The following SPTBN1 variants were observed in gnomAD, a reference collection of about 807,000 sequenced individuals.
SPTBN1 encodes spectrin beta, non-erythrocytic 1.
In SPTBN1, 32 loss-of-function variants were observed where a neutral mutation model predicts 266.4. The observed-to-expected ratio is 0.12, with a 90% confidence interval of 0.09 to 0.16. The LOEUF is 0.16. Among genes scored for constraint, SPTBN1 ranks in the 10% least tolerant of loss-of-function variants. The probability of loss-of-function intolerance (pLI) is 1.00; values close to 1 mark genes in which losing one functional copy is unlikely to be tolerated. For missense variants in SPTBN1, 2,296 were observed against 3,067.1 expected (o/e 0.75, Z 5.94); for synonymous variants, 1,336 against 1,162.2 (o/e 1.15, Z -3.04).
chr2:54,596,215 C>T (rs1233753811), intron 2 of SPTBN1, among the ~76,000 whole-genome samples: 1 of 152,158 alleles, frequency 6.6e-6, no homozygotes, highest in Non-Finnish European at 1.5e-5. Context: ...ACTGTCTGGC[C>T]CATATCCCCA....
intron 1 of SPTBN1, among the ~76,000 whole-genome samples, chr2:54,499,092 G>C (rs1315001825): frequency 6.6e-6 from 1 of 152,084 alleles, no homozygotes; most frequent in Non-Finnish European, 1.5e-5. Flanking sequence ...GCCCTCACCA[G>C]CCATGCAGAA....
chr2:54,665,807 A>C, intron 33 of SPTBN1, 108 bp from the exon 34 acceptor site: 1 of 1,324,422 alleles, frequency 7.6e-7, no homozygotes, highest in Non-Finnish European at 1.0e-6. Context: ...GGGTGGGGTC[A>C]CACTGTGTTG....
At chr2:54,562,899 A>G (rs1673413672) in intron 2 of SPTBN1, among the ~76,000 whole-genome samples, 1 of 152,106 alleles carries the variant, frequency 6.6e-6, no homozygotes, top group Non-Finnish European at 1.5e-5. Flanking sequence ...CTGCATTCCA[A>G]TTATTCCATA....
intron 1 of SPTBN1, among the ~76,000 whole-genome samples, chr2:54,509,101 G>T (rs1250646670): frequency 6.6e-6 from 1 of 152,228 alleles, no homozygotes; most frequent in Non-Finnish European, 1.5e-5. Context: ...AGATGTGGAA[G>T]ATACTATAGC....
intron 1 of SPTBN1, among the ~76,000 whole-genome samples, chr2:54,472,770 AT>A (rs1170634088): frequency 6.6e-6 from 1 of 152,124 alleles, no homozygotes; most frequent in East Asian, 1.9e-4. Flanking sequence ...TGAATATGAC[AT>A]TTTTAAAAAT....
intron 2 of SPTBN1, among the ~76,000 whole-genome samples, chr2:54,556,976 C>T (rs771915006): frequency 1.3e-5 from 2 of 152,172 alleles, no homozygotes; most frequent in Non-Finnish European, 2.9e-5. Flanking sequence ...AATGCTCTGC[C>T]TAGCCTCCCA....
In SPTBN1 at chr2:54,593,412, CT is replaced by C. The variant is rs1321205914; in HGVS notation, c.149-5674del. 2.0e-5 allele frequency among the ~76,000 whole-genome samples: 3 copies of C among 152,154 alleles called. No homozygotes were observed. In the East Asian group the frequency reaches 5.8e-4, roughly 29 times the overall value. ...CGGAGGGCTGCTGGTTCTTTTTGTC[CT>C]TTTTTCACTTTGTTTTCCACTTTCC... On this transcript the variant is annotated intron_variant, in intron 2 of 35. Transcript: ENST00000356805.
intron 10 of SPTBN1, among the ~76,000 whole-genome samples, chr2:54,624,227 C>T (rs1358249631): frequency 1.3e-5 from 2 of 152,246 alleles, no homozygotes; most frequent in East Asian, 1.9e-4. Flanking sequence ...CCTCCCACCT[C>T]GGCTTTCAAA....
chr2:54,560,637 G>C (rs575253815), intron 2 of SPTBN1, among the ~76,000 whole-genome samples: 1 of 152,274 alleles, frequency 6.6e-6, no homozygotes, highest in East Asian at 1.9e-4. Flanking sequence ...GGTAAGCTTC[G>C]TGTTTTGTGT....
At chr2:54,666,646 C>T (rs565964461) in intron 34 of SPTBN1, among the ~76,000 whole-genome samples, 6 of 152,146 alleles carry the variant, frequency 3.9e-5, no homozygotes, top group Non-Finnish European at 7.4e-5. Context: ...CATGTATCTC[C>T]CTACAGAGTG....
chr2:54,648,929 T>A (rs1680089541), intron 24 of SPTBN1, 57 bp from the exon 25 acceptor site: 1 of 1,477,790 alleles, frequency 6.8e-7, no homozygotes, highest in Non-Finnish European at 9.2e-7. Flanking sequence ...GTTTTTCCCC[T>A]GAAGAAACTT....
chr2:54,586,418 C>A (rs770912211), intron 2 of SPTBN1, among the ~76,000 whole-genome samples: 2 of 152,196 alleles, frequency 1.3e-5, no homozygotes, highest in Non-Finnish European at 2.9e-5. Flanking sequence ...AATTCCTCTT[C>A]TCATTAAGTG....
intron 2 of SPTBN1, among the ~76,000 whole-genome samples, chr2:54,551,244 G>T (rs1468924997): frequency 6.6e-6 from 1 of 152,232 alleles, no homozygotes; most frequent in Non-Finnish European, 1.5e-5. Context: ...CCATGTTGGA[G>T]GTGAAAAGCA....
intron 1 of SPTBN1, among the ~76,000 whole-genome samples, chr2:54,522,997 A>G (rs1670578504): frequency 6.6e-6 from 1 of 152,186 alleles, no homozygotes; most frequent in South Asian, 2.1e-4. Context: ...AGAATTTGGG[A>G]TTAATAGCAC....
chr2:54,556,989 A>G (rs1037566352), intron 2 of SPTBN1, among the ~76,000 whole-genome samples: 3 of 152,202 alleles, frequency 2.0e-5, no homozygotes, highest in African/African-American at 4.8e-5. Flanking sequence ...GCCTCCCATC[A>G]GCATTGTGAA....
rs1197484710 is a variant in SPTBN1, at chr2:54,649,697, C to T, written c.5285C>T (p.Ala1762Val). Reference sequence around the variant, plus strand: ...CGCGTGGACACGGTCAATCACCTGGCAGATGAGCTCATCAACTCTGGACAT... The same window carrying T: ...CGCGTGGACACGGTCAATCACCTGGTAGATGAGCTCATCAACTCTGGACAT... Reference protein sequence around the residue: ...QERVDTVNHLADELINSGHSD... With the variant: ...QERVDTVNHLVDELINSGHSD... Residue 1762 changes from alanine to valine, a missense_variant, in exon 26 of 36, where the codon GCA becomes GTA. Transcript: ENST00000356805. The surrounding 1 kb of genome is among the most constrained non-coding windows in gnomAD (Gnocchi z 6.7). The T allele has an allele frequency of 1.9e-6, 3 of 1,614,030 alleles. No homozygotes were observed. Among genetic ancestry groups the T allele is most frequent in the South Asian group, 2.2e-5 (2 of 91,078 alleles).
chr2:54,476,507 C>T lies in SPTBN1; in HGVS notation c.-48+19989C>T, dbSNP rs114885076. Among the ~76,000 whole-genome samples the T allele has an allele frequency of 6.4e-3, 980 of 152,258 alleles. 13 individuals carry two copies. The highest frequency in any genetic ancestry group is 0.023 in the African/African-American group (952 of 41,550). ...AGAATGCTGGGCTTAATAACATGTACTAGGCCTCTTTAGTGAAGGTCGTCT... is the reference window on the plus strand; with the variant it reads ...AGAATGCTGGGCTTAATAACATGTATTAGGCCTCTTTAGTGAAGGTCGTCT... On this transcript the variant is annotated intron_variant, in intron 1 of 35. Transcript: ENST00000356805.
chr2:54,617,602 T>C lies in SPTBN1; in HGVS notation c.567-6T>C, dbSNP rs368811860. On this transcript the variant is annotated splice_region_variant and splice_polypyrimidine_tract_variant and intron_variant, in intron 5 of 35. Coordinates refer to ENST00000356805, the MANE Select transcript of SPTBN1 (RefSeq NM_003128.3). ...TTGCTTTTCCCTTCTGCTTTGTCCT[T>C]GGCAGGTACCCCAATGTCAACATTC... 2.5e-6 allele frequency: 4 copies of C among 1,613,986 alleles called. No individual in the cohort carries two copies. In the African/African-American group the frequency reaches 5.3e-5, roughly 22 times the overall value.
At chr2:54,617,817 T>C (rs1017413736) in intron 6 of SPTBN1, 129 bp downstream of exon 6, 2 of 869,576 alleles carry the variant, frequency 2.3e-6, no homozygotes, top group African/African-American at 1.7e-5. Context: ...CTGCATTCCA[T>C]GTGAGGAAAA....
Sources: allele counts gnomAD v4.1 joint callset (sites outside exome capture counted in the v4.1 genomes callset), GRCh38; gene constraint gnomAD v4.1.1; non-coding constraint Gnocchi (gnomAD v3.1); transcripts MANE v1.5; gene names NCBI Gene and HGNC (gene_info 2026-07-23, HGNC 2026-07-21).